Variants in SGCZ observed in about 807,000 individuals in gnomAD.
The protein encoded by SGCZ is zeta-sarcoglycan.
Under a neutral mutation model 41.3 loss-of-function variants are expected in SGCZ, and 40 were observed. The observed-to-expected ratio is 0.97, with a 90% CI of 0.75 to 1.26. The LOEUF is 1.26. Ranked by LOEUF, SGCZ falls within the 50% of genes most tolerant of loss-of-function variation. The pLI is 0.00. For synonymous variants in SGCZ, 206 were observed against 137.5 expected, an observed-to-expected ratio of 1.50 and a Z score of -3.49; for missense variants, 552 against 369.8, an observed-to-expected ratio of 1.49 and a Z score of -4.04.
chr8:14,333,400 G>C (rs1563263022), intron 2 of SGCZ, among the ~76,000 whole-genome samples: 1 of 152,042 alleles, frequency 6.6e-6, no homozygotes, highest in Admixed American at 6.6e-5. Flanking sequence ...CTGTAAGTAG[G>C]GGGCTGAGGG....
At chr8:14,284,596 A>G (rs1266428098) in intron 3 of SGCZ, among the ~76,000 whole-genome samples, 2 of 152,012 alleles carry the variant, frequency 1.3e-5, no homozygotes, top group Non-Finnish European at 2.9e-5. Context: ...CTTTAATTCA[A>G]TTTACATTTA....
chr8:14,437,732 T>C (rs1319937289), intron 2 of SGCZ, among the ~76,000 whole-genome samples: 1 of 151,828 alleles, frequency 6.6e-6, no homozygotes, highest in Non-Finnish European at 1.5e-5. Context: ...TCATATAATA[T>C]TGTATTAAAA....
chr8:14,685,609 G>C (rs1224584297), intron 1 of SGCZ, among the ~76,000 whole-genome samples: 1 of 151,936 alleles, frequency 6.6e-6, no homozygotes, highest in African/African-American at 2.4e-5. Flanking sequence ...TAGGGCTGTG[G>C]TATTATTCTA....
At chr8:14,944,146 G>C (rs924438190) in intron 1 of SGCZ, among the ~76,000 whole-genome samples, 1 of 152,050 alleles carries the variant, frequency 6.6e-6, no homozygotes. Flanking sequence ...GAATCATATA[G>C]GCAGGGTGGG....
chr8:15,163,427 C>T (rs1457061183), intron 1 of SGCZ, among the ~76,000 whole-genome samples: 1 of 152,202 alleles, frequency 6.6e-6, no homozygotes, highest in East Asian at 1.9e-4. Flanking sequence ...TTTATATACA[C>T]TGAAAGGCCA....
At chr8:15,045,972 G>A (rs1804286544) in intron 1 of SGCZ, among the ~76,000 whole-genome samples, 1 of 152,006 alleles carries the variant, frequency 6.6e-6, no homozygotes, top group African/African-American at 2.4e-5. Flanking sequence ...ACCCTAACAT[G>A]AATGCAGAAG....
chr8:14,125,205 G>C (rs1802813586), intron 5 of SGCZ, among the ~76,000 whole-genome samples: 1 of 152,116 alleles, frequency 6.6e-6, no homozygotes. Context: ...TTGTTGGCCA[G>C]GCGTGGTGGC....
intron 4 of SGCZ, among the ~76,000 whole-genome samples, chr8:14,187,376 G>A (rs1804940341): frequency 6.6e-6 from 1 of 152,188 alleles, no homozygotes; most frequent in African/African-American, 2.4e-5. Context: ...GAAACTGCTT[G>A]TGAGAATGAG....
intron 1 of SGCZ, among the ~76,000 whole-genome samples, chr8:14,785,587 G>A (rs1428355851): frequency 7.9e-5 from 12 of 152,092 alleles, no homozygotes. Context: ...CCCATGTCCT[G>A]ACCCCAGCAT....
chr8:14,617,283 A>C (rs1235733372), intron 1 of SGCZ, among the ~76,000 whole-genome samples: 1 of 152,146 alleles, frequency 6.6e-6, no homozygotes, highest in African/African-American at 2.4e-5. Flanking sequence ...GATACAACAA[A>C]ATTGAACTTA....
At chr8:14,527,542 C>T (rs899749722) in intron 2 of SGCZ, among the ~76,000 whole-genome samples, 8 of 151,142 alleles carry the variant, frequency 5.3e-5, no homozygotes, top group Non-Finnish European at 1.0e-4. Flanking sequence ...AAATATTCAC[C>T]TTTTTTTAAA....
At position 14,964,444 on chromosome 8, in the gene SGCZ, T is replaced by C. The variant is rs192492529; in HGVS notation, c.39+273141A>G. Among the ~76,000 whole-genome samples the C allele has an allele frequency of 1.7e-4, 26 of 152,234 alleles. 1 individual carries two copies. The highest frequency in any genetic ancestry group is 1.4e-3 in the Admixed American group (21 of 15,284). On this transcript the variant is annotated intron_variant, in intron 1 of 7. Transcript: ENST00000382080. Reference sequence around the variant, plus strand: ...CCTAGGACTTTAGAGCTTCAAATTTTTTGGAGCTGGTGATGCTAACTGGGT... The same window carrying C: ...CCTAGGACTTTAGAGCTTCAAATTTCTTGGAGCTGGTGATGCTAACTGGGT...
At chr8:14,184,964 C>A (rs1048784341) in intron 4 of SGCZ, among the ~76,000 whole-genome samples, 1 of 152,136 alleles carries the variant, frequency 6.6e-6, no homozygotes, top group Admixed American at 6.5e-5. Flanking sequence ...ATGTCTCTAT[C>A]GTCTAATATT....
chr8:15,212,692 T>C (rs994424020), intron 1 of SGCZ, among the ~76,000 whole-genome samples: 21 of 152,072 alleles, frequency 1.4e-4, no homozygotes, highest in African/African-American at 4.6e-4. Context: ...TCTTAGTTAA[T>C]AGGCTTGTGA....
chr8:15,037,233 A>G (rs1803906768), intron 1 of SGCZ, among the ~76,000 whole-genome samples: 1 of 152,102 alleles, frequency 6.6e-6, no homozygotes, highest in South Asian at 2.1e-4. Flanking sequence ...GGAGGCGGTT[A>G]CCCCCATGCT....
intron 5 of SGCZ, among the ~76,000 whole-genome samples, chr8:14,143,900 T>C (rs773159687): frequency 3.9e-5 from 6 of 151,968 alleles, no homozygotes; most frequent in Non-Finnish European, 7.4e-5. Flanking sequence ...GAGCAGAAGG[T>C]AAAACTGCAT....
intron 1 of SGCZ, among the ~76,000 whole-genome samples, chr8:14,977,580 C>T (rs997292117): frequency 1.3e-5 from 2 of 151,986 alleles, no homozygotes; most frequent in African/African-American, 4.8e-5. Context: ...TCACCTTAAT[C>T]CTAGTAACAT....
chr8:14,226,655 G>T (rs1472643535), intron 4 of SGCZ, among the ~76,000 whole-genome samples: 1 of 152,114 alleles, frequency 6.6e-6, no homozygotes, highest in Non-Finnish European at 1.5e-5. Flanking sequence ...GGATAGAGCT[G>T]CTGTGAATAT....
chr8:14,601,286 A>T (rs1805581791), intron 1 of SGCZ, among the ~76,000 whole-genome samples: 1 of 152,092 alleles, frequency 6.6e-6, no homozygotes, highest in Non-Finnish European at 1.5e-5. Context: ...TTCCTAGTAT[A>T]AAAAGTGATT....
Sources: gnomAD v4.1 joint callset for allele counts (sites outside exome capture counted in the v4.1 genomes callset) on GRCh38, gnomAD v4.1.1 for gene constraint, MANE v1.5 for transcripts, NCBI Gene and HGNC (gene_info 2026-07-23, HGNC 2026-07-21) for gene names.